YTHDF1: variants seen among roughly 807,000 people sequenced by gnomAD.
YTHDF1 encodes YTH N6-methyladenosine RNA binding protein F1.
YTHDF1 carries 16 observed loss-of-function variants against 49.1 expected under a neutral mutation model. That is an observed-to-expected ratio of 0.33 (90% CI 0.22 to 0.49). The LOEUF (loss-of-function observed/expected upper bound fraction) is 0.49, where lower values mean the gene tolerates loss of function less well. Among genes scored for constraint, YTHDF1 ranks in the 20% least tolerant of loss-of-function variants. The probability of loss-of-function intolerance (pLI) is 0.99; values close to 1 mark genes in which losing one functional copy is unlikely to be tolerated. For synonymous variants in YTHDF1, 313 were observed against 290.1 expected, an observed-to-expected ratio of 1.08 and a Z score of -0.80; for missense variants, 621 against 744.3, an observed-to-expected ratio of 0.83 and a Z score of 1.93.
At position 63,207,562 on chromosome 20, in the gene YTHDF1, T is replaced by C. The variant is rs761325359; in HGVS notation, c.133-3755A>G. Among the ~76,000 whole-genome samples, 8 of 150,398 alleles carry C rather than the reference T, an allele frequency of 5.3e-5. No individual in the cohort carries two copies. The East Asian group carries it at 1.4e-3, about 26-fold the overall frequency. Reference sequence around the variant, plus strand: ...GCATATTTTGGTCCTCGTAAATGAGTGGCATAAACAGATCTTTTAAGGACA... The same window carrying C: ...GCATATTTTGGTCCTCGTAAATGAGCGGCATAAACAGATCTTTTAAGGACA... On this transcript the variant is annotated intron_variant, in intron 3 of 4. Transcript: ENST00000370339.
intron 4 of YTHDF1, among the ~76,000 whole-genome samples, chr20:63,199,959 C>T (rs2066510230): frequency 6.6e-6 from 1 of 152,172 alleles, no homozygotes; most frequent in African/African-American, 2.4e-5. Flanking sequence ...GAGGCTGAGG[C>T]AGGAAGACCG....
At chr20:63,199,953 C>T (rs2066510205) in intron 4 of YTHDF1, among the ~76,000 whole-genome samples, 1 of 152,152 alleles carries the variant, frequency 6.6e-6, no homozygotes, top group Admixed American at 6.5e-5. Context: ...ACTCAGGAGG[C>T]TGAGGCAGGA....
intron 3 of YTHDF1, among the ~76,000 whole-genome samples, chr20:63,204,689 C>T (rs1049951218): frequency 2.6e-4 from 40 of 152,096 alleles, no homozygotes; most frequent in African/African-American, 8.2e-4. Context: ...TTTAAAGTGA[C>T]GGAACCATGA....
At chr20:63,199,973 G>A (rs1432823333) in intron 4 of YTHDF1, among the ~76,000 whole-genome samples, 1 of 152,196 alleles carries the variant, frequency 6.6e-6, no homozygotes, top group Admixed American at 6.5e-5. Flanking sequence ...AAGACCGCTT[G>A]AGCCCAGGAG....
chr20:63,210,529 A>T (rs1164496903), intron 3 of YTHDF1, among the ~76,000 whole-genome samples: 5 of 152,168 alleles, frequency 3.3e-5, no homozygotes, highest in African/African-American at 9.7e-5. Flanking sequence ...CATGCTTGTA[A>T]TCCCAGCACT....
In YTHDF1 at chr20:63,207,062, G is replaced by A. The variant is rs113815432; in HGVS notation, c.133-3255C>T. On this transcript the variant is annotated intron_variant, in intron 3 of 4. Transcript: ENST00000370339. ...CCGCACAGCCAGGCACAGGTTCAGC[G>A]CTCACTCGCTGCCAAGTGCTGGAGG... Among the ~76,000 whole-genome samples, 31 of 152,366 alleles carry A rather than the reference G, an allele frequency of 2.0e-4. No homozygotes were observed. The East Asian group carries it at 2.1e-3, about 10-fold the overall frequency.
intron 2 of YTHDF1, among the ~76,000 whole-genome samples, chr20:63,215,122 G>A (rs1007589907): frequency 2.0e-5 from 3 of 152,180 alleles, no homozygotes; most frequent in Admixed American, 2.0e-4. Flanking sequence ...ACATGAGTGC[G>A]CTCTGAGGGT....
intron 3 of YTHDF1, among the ~76,000 whole-genome samples, chr20:63,204,256 G>A (rs1601235093): frequency 6.6e-6 from 1 of 152,200 alleles, no homozygotes; most frequent in African/African-American, 2.4e-5. Context: ...GTGCAGGGCC[G>A]TGAGGCAGTT....
intron 3 of YTHDF1, among the ~76,000 whole-genome samples, chr20:63,208,894 A>AC (rs1345567446): frequency 6.6e-6 from 1 of 152,056 alleles, no homozygotes; most frequent in Non-Finnish European, 1.5e-5. Flanking sequence ...ACCACCCAAA[A>AC]CCTGATGAGC....
intron 4 of YTHDF1, among the ~76,000 whole-genome samples, chr20:63,197,778 C>A (rs1454843638): frequency 2.0e-5 from 3 of 152,146 alleles, no homozygotes; most frequent in African/African-American, 2.4e-5. Context: ...ATCCCAGGCA[C>A]ATCCACCCTC....
chr20:63,204,442 T>C (rs1053387305), intron 3 of YTHDF1, among the ~76,000 whole-genome samples: 1 of 152,206 alleles, frequency 6.6e-6, no homozygotes, highest in African/African-American at 2.4e-5. Flanking sequence ...AGATGGCCCC[T>C]GCCTCTAAGT....
At chr20:63,213,434 A>G (rs2066585335) in intron 3 of YTHDF1, among the ~76,000 whole-genome samples, 1 of 152,198 alleles carries the variant, frequency 6.6e-6, no homozygotes, top group South Asian at 2.1e-4. Flanking sequence ...CGCTGTCTCA[A>G]AAAAAGGACT....
intron 3 of YTHDF1, among the ~76,000 whole-genome samples, chr20:63,208,961 G>A (rs2066560816): frequency 6.6e-6 from 1 of 152,228 alleles, no homozygotes; most frequent in South Asian, 2.1e-4. Flanking sequence ...TGAGCATGGA[G>A]GCAGTATCCT....
chr20:63,207,433 C>T (rs1409572503), intron 3 of YTHDF1, among the ~76,000 whole-genome samples: 1 of 152,036 alleles, frequency 6.6e-6, no homozygotes, highest in Non-Finnish European at 1.5e-5. Context: ...CGAGCCACTG[C>T]ACTCCAGCCT....
intron 3 of YTHDF1, among the ~76,000 whole-genome samples, chr20:63,204,231 T>C (rs1380497652): frequency 6.6e-6 from 1 of 152,206 alleles, no homozygotes; most frequent in East Asian, 1.9e-4. Flanking sequence ...GATATTTCCA[T>C]TGGCAAACCA....
intron 2 of YTHDF1, 154 bp from the exon 3 acceptor site, chr20:63,214,097 A>C (rs2066589485): frequency 1.0e-6 from 1 of 967,270 alleles, no homozygotes; most frequent in Admixed American, 6.2e-5. Flanking sequence ...ACTGATGTTT[A>C]TACAACTAAT....
chr20:63,202,537 T>C lies in YTHDF1; in HGVS notation c.1403A>G (p.Asp468Gly). 6.2e-7 allele frequency: 1 copy of C among 1,614,236 alleles called. No homozygotes were observed. Among genetic ancestry groups the C allele is most frequent in the South Asian group, 1.1e-5 (1 of 91,084 alleles). Reference sequence around the variant, plus strand: ...GACATCAAACTTCCCCTTCCACTTGTCCTGAGACCAGACCCCGGCACTGGT... The same window carrying C: ...GACATCAAACTTCCCCTTCCACTTGCCCTGAGACCAGACCCCGGCACTGGT... ...YGTSAGVWSQ[D>G]KWKGKFDVQW... Residue 468 changes from aspartate to glycine, a missense_variant, in exon 4 of 5, where the codon GAC becomes GGC. Coordinates refer to ENST00000370339, the MANE Select transcript of YTHDF1 (RefSeq NM_017798.4).
Position 63,208,671 on chromosome 20 carries a change from C to T in YTHDF1, c.133-4864G>A, listed in dbSNP as rs1403606631. ...TGGGAAGCCGTTGTGATGGCAAATG[C>T]CTACTTAGCAGGCGCTGCCACTGGG... On this transcript the variant is annotated intron_variant, in intron 3 of 4. Transcript: ENST00000370339. Among the ~76,000 whole-genome samples the T allele has an allele frequency of 2.6e-5, 4 of 152,326 alleles. No homozygotes were observed. The East Asian group carries it at 7.7e-4, about 29-fold the overall frequency.
chr20:63,213,086 T>C (rs1163336683), intron 3 of YTHDF1, among the ~76,000 whole-genome samples: 5 of 152,148 alleles, frequency 3.3e-5, no homozygotes, highest in Non-Finnish European at 5.9e-5. Flanking sequence ...GAAAAGGAAA[T>C]TGAGGCAAGA....
Sources: allele counts gnomAD v4.1 joint callset (sites outside exome capture counted in the v4.1 genomes callset), GRCh38; gene constraint gnomAD v4.1.1; transcripts MANE v1.5; gene names NCBI Gene and HGNC (gene_info 2026-07-23, HGNC 2026-07-21).